The following METTL24 variants were observed in gnomAD, a reference collection of about 807,000 sequenced individuals.
METTL24 encodes the protein probable methyltransferase-like protein 24.
Under a neutral mutation model 32.7 loss-of-function variants are expected in METTL24, and 29 were observed. That is an observed-to-expected ratio of 0.89 (90% CI 0.66 to 1.21). The LOEUF (loss-of-function observed/expected upper bound fraction) is 1.21, where lower values mean the gene tolerates loss of function less well. Ranked by LOEUF, METTL24 falls within the 50% of genes most tolerant of loss-of-function variation. METTL24 has a pLI of 0.00. For synonymous variants in METTL24, 163 were observed against 179.5 expected, an observed-to-expected ratio of 0.91 and a Z score of 0.73; for missense variants, 439 against 468.1, an observed-to-expected ratio of 0.94 and a Z score of 0.57.
rs576289966 is a variant in METTL24 at position 110,357,977 on chromosome 6, G to A, written c.296C>T (p.Pro99Leu). The change falls in exon 1 of 5, where the codon CCG (proline) becomes CTG (leucine). Residue 99 changes from proline to leucine, a missense_variant. Coordinates refer to ENST00000338882, the MANE Select transcript of METTL24 (RefSeq NM_001123364.3). ...GACCTTCCGGCGGGGGCGCCCGCGC[G>A]GGGCACAGCAGCCAGGCTCCGGCGT... Reference protein sequence around the residue: ...SGTPEPGCCAPRGRPRRKGPR... With the variant: ...SGTPEPGCCALRGRPRRKGPR... 111 of 1,179,996 alleles carry A rather than the reference G, an allele frequency of 9.4e-5. No homozygotes were observed. Among genetic ancestry groups the A allele is most frequent in the African/African-American group, 1.6e-4 (10 of 62,558 alleles). The allele number at this position is 1,179,996 out of a possible 1,614,324, so 73.1% of individuals were successfully genotyped here. A position where few individuals can be genotyped will look rare whatever the true frequency, so the allele number is the denominator to read the frequency against.
Position 110,315,344 on chromosome 6 carries a change from T to G in METTL24, c.555A>C (p.Leu185Phe), listed in dbSNP as rs1349918314. 6.2e-7 allele frequency: 1 copy of G among 1,614,182 alleles called. No homozygotes were observed. Among genetic ancestry groups the G allele is most frequent in the South Asian group, 1.1e-5 (1 of 91,072 alleles). The change falls in exon 3 of 5, where the codon TTA (leucine) becomes TTC (phenylalanine). Residue 185 changes from leucine (L) to phenylalanine (F), a missense_variant and splice_region_variant. Physicochemically the swap from Leu to Phe is conservative, Grantham distance 22 (BLOSUM62 0). Transcript: ENST00000338882. ...CTGCTGTAAAAAAATGTACTCACCC[T>G]AAGGAGTAGAGGCGGCACTGCTTGT... ...IRNKQCRLYSLGLGSDDTHFE... is the reference protein window; with the variant it reads ...IRNKQCRLYSFGLGSDDTHFE...
chr6:110,342,504 C>A (rs776398320), intron 1 of METTL24, among the ~76,000 whole-genome samples: 20 of 152,188 alleles, frequency 1.3e-4, no homozygotes, highest in Non-Finnish European at 1.6e-4. Context: ...TGTACTTTCA[C>A]ACCTGTCATG....
In METTL24 at chr6:110,246,602, T is replaced by C. The variant is rs186329638; in HGVS notation, c.787-342A>G. On this transcript the variant is annotated intron_variant, in intron 4 of 4. Transcript: ENST00000338882. ...TTAATATATGTTAATATACAAATGA[T>C]GAAATACCAGGCAAAAATCACAACA... is the stretch of plus-strand genomic sequence containing the variant. 5.9e-5 allele frequency among the ~76,000 whole-genome samples: 9 copies of C among 152,286 alleles called. No homozygotes were observed. In the East Asian group the frequency reaches 1.5e-3, roughly 26 times the overall value.
At chr6:110,347,186 C>T (rs763370397) in intron 1 of METTL24, among the ~76,000 whole-genome samples, 32 of 152,162 alleles carry the variant, frequency 2.1e-4, no homozygotes, top group Non-Finnish European at 3.7e-4. Context: ...GCTCCCTTCT[C>T]AGCAGGCAAA....
In METTL24 at chr6:110,251,826, A is replaced by G. The variant is rs1562215524; in HGVS notation, c.787-5566T>C. On this transcript the variant is annotated intron_variant, in intron 4 of 4. Transcript: ENST00000338882. ...GGTAGAGCCCTCCTGACTCAAACACATCCTAAAGGCCACACCCCTTCATAC... is the reference window on the plus strand; with the variant it reads ...GGTAGAGCCCTCCTGACTCAAACACGTCCTAAAGGCCACACCCCTTCATAC... Among the ~76,000 whole-genome samples the G allele has an allele frequency of 2.0e-5, 3 of 151,076 alleles. No individual in the cohort carries two copies. The Admixed American group carries it at 2.0e-4, about 10-fold the overall frequency.
chr6:110,289,910 T>C (rs746735369), intron 4 of METTL24, among the ~76,000 whole-genome samples: 7 of 152,176 alleles, frequency 4.6e-5, no homozygotes, highest in Non-Finnish European at 1.0e-4. Context: ...TTTATTGAAA[T>C]ATAATTTATA....
At position 110,355,564 on chromosome 6, in the gene METTL24, C is replaced by T. The variant is rs185350641; in HGVS notation, c.318+2391G>A. ...CACTCACTTCCTAGATGACCACATACGATCTCTCAGTTTTACTGCCATTTG... is the reference window on the plus strand; with the variant it reads ...CACTCACTTCCTAGATGACCACATATGATCTCTCAGTTTTACTGCCATTTG... On this transcript the variant is annotated intron_variant, in intron 1 of 4. Coordinates refer to ENST00000338882, the MANE Select transcript of METTL24 (RefSeq NM_001123364.3). Among the ~76,000 whole-genome samples the T allele has an allele frequency of 2.4e-3, 372 of 152,282 alleles. 3 individuals carry two copies. Among genetic ancestry groups the T allele is most frequent in the African/African-American group, 8.8e-3 (364 of 41,550 alleles).
chr6:110,253,750 C>A, intron 4 of METTL24: 1 of 618,430 alleles, frequency 1.6e-6, no homozygotes, highest in East Asian at 3.4e-5. Context: ...AATTCTAACA[C>A]ACGAGCATAA....
chr6:110,347,854 A>G (rs1199662679), intron 1 of METTL24, among the ~76,000 whole-genome samples: 6 of 152,238 alleles, frequency 3.9e-5, no homozygotes, highest in Non-Finnish European at 8.8e-5. Flanking sequence ...ATAATAAATG[A>G]GTTATATGGG....
At chr6:110,258,574 A>G (rs889975159) in intron 4 of METTL24, among the ~76,000 whole-genome samples, 4 of 152,108 alleles carry the variant, frequency 2.6e-5, no homozygotes, top group Non-Finnish European at 5.9e-5. Flanking sequence ...GGAGAGGTAG[A>G]TAGGTGGATG....
intron 1 of METTL24, among the ~76,000 whole-genome samples, chr6:110,351,804 A>G (rs1191150875): frequency 6.6e-6 from 1 of 152,228 alleles, no homozygotes; most frequent in Non-Finnish European, 1.5e-5. Flanking sequence ...GACCTGTATT[A>G]TAATAGCACT....
At chr6:110,324,164 T>C (rs1339595418) in intron 1 of METTL24, among the ~76,000 whole-genome samples, 1 of 152,164 alleles carries the variant, frequency 6.6e-6, no homozygotes, top group African/African-American at 2.4e-5. Context: ...CCATTCTCAC[T>C]TGGGCGTCTG....
At chr6:110,285,815 C>T (rs1452531319) in intron 4 of METTL24, among the ~76,000 whole-genome samples, 2 of 152,188 alleles carry the variant, frequency 1.3e-5, no homozygotes, top group African/African-American at 4.8e-5. Context: ...GCACTTGGTT[C>T]TCATTCCCCA....
At chr6:110,295,839 A>AAGGT (rs1554213761) in intron 4 of METTL24, among the ~76,000 whole-genome samples, 50 of 149,286 alleles carry the variant, frequency 3.3e-4, no homozygotes, top group African/African-American at 1.1e-3. Flanking sequence ...GGAAGGAAGG[A>AAGGT]AGGTTCTCTA....
rs1364164441 is a variant in METTL24 at position 110,245,358 on chromosome 6, A to T, written c.*588T>A. On this transcript the variant is annotated 3_prime_UTR_variant, in exon 5 of 5. Transcript: ENST00000338882. ...TTCGTGTTGAAGCTCTTGATAGTCT[A>T]GTCTCTTTAACTCAGTGACAGAATT... Among the ~76,000 whole-genome samples the T allele has an allele frequency of 2.6e-5, 4 of 152,178 alleles. No individual in the cohort carries two copies. The highest frequency in any genetic ancestry group is 5.9e-5 in the Non-Finnish European group (4 of 68,044).
chr6:110,261,488 GACAC>G (rs1201883077), intron 4 of METTL24, among the ~76,000 whole-genome samples: 1 of 152,152 alleles, frequency 6.6e-6, no homozygotes, highest in African/African-American at 2.4e-5. Context: ...GACCTAGAAA[GACAC>G]TTAGACTCCC....
chr6:110,324,116 A>C (rs1205383247), intron 1 of METTL24, among the ~76,000 whole-genome samples: 1 of 152,142 alleles, frequency 6.6e-6, no homozygotes, highest in Non-Finnish European at 1.5e-5. Context: ...AGGTTAGTCT[A>C]TGTGAAGCCA....
In METTL24 at chr6:110,245,804, G is replaced by T; in HGVS notation, c.*142C>A. 2.6e-6 allele frequency: 2 copies of T among 762,766 alleles called. No homozygotes were observed. 47.2% of individuals were successfully genotyped at this position (762,766 alleles called of 1,614,324 possible). A position where few individuals can be genotyped will look rare whatever the true frequency, so the allele number is the denominator to read the frequency against. On this transcript the variant is annotated 3_prime_UTR_variant, in exon 5 of 5. Transcript: ENST00000338882. The stretch of plus-strand genomic sequence containing the variant: ...TGCCCCATCACATGCCAAGCACTAG[G>T]CTGCATGCCCGCAATAACACACTCC...
intron 2 of METTL24, among the ~76,000 whole-genome samples, chr6:110,316,811 T>C (rs1771827682): frequency 6.6e-6 from 1 of 151,946 alleles, no homozygotes; most frequent in South Asian, 2.1e-4. Context: ...TAATTGAGCC[T>C]GGAAGGTTGA....
Sources: allele counts gnomAD v4.1 joint callset (sites outside exome capture counted in the v4.1 genomes callset), GRCh38; gene constraint gnomAD v4.1.1; transcripts MANE v1.5; gene names NCBI Gene and HGNC (gene_info 2026-07-23, HGNC 2026-07-21).